KALRN: variants seen among roughly 807,000 people sequenced by gnomAD.
KALRN encodes the protein kalirin.
Under a neutral mutation model 353.7 loss-of-function variants are expected in KALRN, and 70 were observed. That is an observed-to-expected ratio of 0.20 (90% CI 0.16 to 0.24). KALRN has a LOEUF of 0.24. Ranked by LOEUF, KALRN falls within the 10% of genes least tolerant of loss-of-function variation. The probability of loss-of-function intolerance (pLI) is 1.00; values close to 1 mark genes in which losing one functional copy is unlikely to be tolerated. For missense variants in KALRN, 2,791 were observed against 3,756.7 expected (o/e 0.74, Z 6.72); for synonymous variants, 1,391 against 1,434.8 (o/e 0.97, Z 0.69).
chr3:124,077,384 T>G (rs893751099), intron 1 of KALRN, among the ~76,000 whole-genome samples: 1 of 152,188 alleles, frequency 6.6e-6, no homozygotes, highest in African/African-American at 2.4e-5. Context: ...CCCCCTGGTT[T>G]GGGGCTCCTG....
At chr3:124,182,178 A>G (rs548655023) in intron 1 of KALRN, among the ~76,000 whole-genome samples, 4 of 152,338 alleles carry the variant, frequency 2.6e-5, no homozygotes, top group South Asian at 2.1e-4. Context: ...TGTATTAGTT[A>G]TTTATTGCTG....
At chr3:124,347,836 CA>C (rs1200581106) in intron 10 of KALRN, among the ~76,000 whole-genome samples, 1 of 152,130 alleles carries the variant, frequency 6.6e-6, no homozygotes, top group African/African-American at 2.4e-5. Context: ...GTGATTTGTA[CA>C]ATATTTAAAC....
chr3:124,321,386 AC>A (rs1420510633), intron 6 of KALRN, among the ~76,000 whole-genome samples: 2 of 152,254 alleles, frequency 1.3e-5, no homozygotes, highest in African/African-American at 4.8e-5. Flanking sequence ...CTTTCAGTAT[AC>A]CACATAAGAA....
At chr3:124,627,731 A>C (rs928687841) in intron 34 of KALRN, among the ~76,000 whole-genome samples, 19 of 152,224 alleles carry the variant, frequency 1.2e-4, no homozygotes, top group African/African-American at 4.6e-4. Context: ...GAAGATGTTT[A>C]TCACCCAGCC....
chr3:124,538,260 T>TTGTGTGTGTG (rs113800335), intron 33 of KALRN, among the ~76,000 whole-genome samples: 1 of 149,966 alleles, frequency 6.7e-6, no homozygotes, highest in African/African-American at 2.5e-5. Flanking sequence ...GTGTGTGTGT[T>TTGTGTGTGTG]TGTGTGTGTG....
intron 1 of KALRN, among the ~76,000 whole-genome samples, chr3:124,202,693 G>T (rs562582170): frequency 1.2e-3 from 185 of 152,184 alleles, no homozygotes; most frequent in African/African-American, 4.3e-3. Context: ...TGTGGTATTT[G>T]CTTGTCCCTT....
chr3:124,297,786 C>T (rs2076959713), intron 5 of KALRN, among the ~76,000 whole-genome samples: 2 of 152,196 alleles, frequency 1.3e-5, no homozygotes, highest in Admixed American at 6.5e-5. Flanking sequence ...CCAGACAATG[C>T]TCAGCCAGGG....
chr3:124,380,665 G>A (rs765248964), intron 10 of KALRN, among the ~76,000 whole-genome samples: 70 of 152,236 alleles, frequency 4.6e-4, no homozygotes, highest in Non-Finnish European at 9.3e-4. Flanking sequence ...CTGGCTTTGA[G>A]TCAAAAGCTG....
intron 9 of KALRN, among the ~76,000 whole-genome samples, chr3:124,346,509 CTTTAA>C (rs1362108200): frequency 6.6e-6 from 1 of 152,124 alleles, no homozygotes; most frequent in Non-Finnish European, 1.5e-5. Context: ...GATGCAAACA[CTTTAA>C]TTTATTTGTT....
chr3:124,701,490 T>C (rs1233233351), intron 56 of KALRN, among the ~76,000 whole-genome samples: 1 of 150,346 alleles, frequency 6.7e-6, no homozygotes, highest in Non-Finnish European at 1.5e-5. Context: ...TGAGCTCAAG[T>C]GATCCTCCAA....
At position 124,055,538 on chromosome 3, in the gene KALRN, T is replaced by G. The variant is rs138452481; in HGVS notation, c.73+21725T>G. On this transcript the variant is annotated intron_variant, in intron 1 of 59. Transcript: ENST00000682506. ...CTCTGAGACATATTTTCAGACCACC[T>G]TAATTACTCTATCTAGCATGATTCT... Among the ~76,000 whole-genome samples, 820 of 152,320 alleles carry G rather than the reference T, an allele frequency of 5.4e-3. 4 individuals carry two copies. Among genetic ancestry groups the G allele is most frequent in the African/African-American group, 0.018 (752 of 41,580 alleles).
intron 1 of KALRN, chr3:124,152,138 T>C: frequency 7.5e-7 from 1 of 1,328,972 alleles, no homozygotes; most frequent in South Asian, 1.2e-5. Context: ...ATGAATCAGA[T>C]CCTTCCTGCA....
At position 124,270,824 on chromosome 3, in the gene KALRN, G is replaced by GTTTTTTTT. The variant is rs777615656; in HGVS notation, c.969+1585_969+1592dup. ...TTTTCTTTGTTTATTTTTTTGTTTT[G>GTTTTTTTT]TTTTTTTTTTTTTTTTTTTTTTTGA... is the stretch of plus-strand genomic sequence containing the variant. On this transcript the variant is annotated intron_variant, in intron 5 of 59. Coordinates refer to ENST00000682506, the MANE Select transcript of KALRN (RefSeq NM_001388419.1). Among the ~76,000 whole-genome samples the GTTTTTTTT allele has an allele frequency of 2.8e-3, 218 of 78,542 alleles. 1 individual carries two copies. Among genetic ancestry groups the GTTTTTTTT allele is most frequent in the African/African-American group, 6.7e-3 (130 of 19,352 alleles). 51.5% of individuals were successfully genotyped at this position (78,542 alleles called of 152,430 possible).
chr3:124,472,654 C>G (rs1290877652), intron 25 of KALRN, among the ~76,000 whole-genome samples: 1 of 151,642 alleles, frequency 6.6e-6, no homozygotes, highest in East Asian at 1.9e-4. Flanking sequence ...TGATTCTTTT[C>G]TCAACAGAAA....
At chr3:124,390,360 A>G (rs2089166830) in intron 11 of KALRN, among the ~76,000 whole-genome samples, 1 of 152,342 alleles carries the variant, frequency 6.6e-6, no homozygotes, top group South Asian at 2.1e-4. Flanking sequence ...GCTTAATTAA[A>G]TACCCACTTA....
At chr3:124,244,903 G>T (rs920160847) in intron 3 of KALRN, among the ~76,000 whole-genome samples, 8 of 152,088 alleles carry the variant, frequency 5.3e-5, no homozygotes, top group African/African-American at 1.9e-4. Flanking sequence ...GGGTGCATAT[G>T]ATATTTTGAT....
In KALRN at chr3:124,326,074, C is replaced by A; in HGVS notation, c.1187C>A (p.Thr396Asn). Residue 396 changes from threonine (T) to asparagine (N), a missense_variant, in exon 7 of 60, where the codon ACC (threonine) becomes AAC (asparagine). Around this residue, in one of 11 missense-constraint regions of KALRN, gnomAD observed 366 missense variants for 489.2 expected, o/e 0.75. Coordinates refer to ENST00000682506, the MANE Select transcript of KALRN (RefSeq NM_001388419.1). ...TCACAACAAATCAAGCAGATCTCCA[C>A]CCAGCTGGACCAGGAGTGGAAGAGC... is the stretch of plus-strand genomic sequence containing the variant. ...YASQQIKQIS[T>N]QLDQEWKSFA... The A allele has an allele frequency of 6.2e-7, 1 of 1,613,948 alleles. No homozygotes were observed. The highest frequency in any genetic ancestry group is 8.5e-7 in the Non-Finnish European group (1 of 1,179,902).
Position 124,518,865 on chromosome 3 carries a change from T to C in KALRN, c.4935+22452T>C, listed in dbSNP as rs190865147. On this transcript the variant is annotated intron_variant, in intron 33 of 59. Transcript: ENST00000682506. ...TTAATTAGAGGGACACACTTATCTC[T>C]GAAGTTTTTCTCCAGGCTGAACATT... The C allele has an allele frequency of 3.7e-4, 386 of 1,035,142 alleles. 1 individual carries two copies. Among genetic ancestry groups the C allele is most frequent in the African/African-American group, 2.8e-3 (166 of 59,534 alleles). 64.1% of individuals were successfully genotyped at this position (1,035,142 alleles called of 1,614,324 possible). A position where few individuals can be genotyped will look rare whatever the true frequency, so the allele number is the denominator to read the frequency against.
chr3:124,221,399 G>C lies in KALRN; in HGVS notation c.74-6591G>C, dbSNP rs551413708. On this transcript the variant is annotated intron_variant, in intron 1 of 59. Transcript: ENST00000682506. ...TTGACTCTTTTTTGTGACAGGCCCT[G>C]TGTGAGGTTCTGGAGTAGAACAAGG... Among the ~76,000 whole-genome samples, 33 of 152,242 alleles carry C rather than the reference G, an allele frequency of 2.2e-4. No individual in the cohort carries two copies. In the South Asian group the frequency reaches 6.7e-3, roughly 31 times the overall value.
Sources: allele counts gnomAD v4.1 joint callset (sites outside exome capture counted in the v4.1 genomes callset), GRCh38; gene constraint gnomAD v4.1.1; regional missense constraint gnomAD v4.1.1; transcripts MANE v1.5; gene names NCBI Gene and HGNC (gene_info 2026-07-23, HGNC 2026-07-21).